HLCS: variants seen among roughly 807,000 people sequenced by gnomAD.
The protein encoded by HLCS is biotin--protein ligase.
Under a neutral mutation model 75.0 loss-of-function variants are expected in HLCS, and 53 were observed. The observed-to-expected ratio is 0.71, with a 90% CI of 0.57 to 0.89. The LOEUF (loss-of-function observed/expected upper bound fraction) is 0.89. Ranked by LOEUF, HLCS falls within the 40% of genes least tolerant of loss-of-function variation. The probability of loss-of-function intolerance (pLI) is 0.00; values close to 1 mark genes in which losing one functional copy is unlikely to be tolerated. For synonymous variants in HLCS, 431 were observed against 428.6 expected (o/e 1.01, Z -0.07); for missense variants, 966 against 1,074.0 (o/e 0.90, Z 1.41).
rs114410552 is a variant in HLCS at position 36,979,580 on chromosome 21, G to A, written c.-393+10578C>T. On this transcript the variant is annotated intron_variant, in intron 1 of 11. Coordinates refer to the HLCS transcript ENST00000336648. ...ATTTTTAAAATGGTTTTATGCAAAC[G>A]ACATGTTTAGCCCAAATGCACTGCA... Among the ~76,000 whole-genome samples, 863 of 152,198 alleles carry A rather than the reference G, an allele frequency of 5.7e-3. 5 individuals carry two copies. Among genetic ancestry groups the A allele is most frequent in the African/African-American group, 0.02 (828 of 41,510 alleles).
chr21:36,966,087 G>A (rs1046322481), intron 1 of HLCS, among the ~76,000 whole-genome samples: 1 of 152,200 alleles, frequency 6.6e-6, no homozygotes, highest in African/African-American at 2.4e-5. Context: ...CTGGTTCACG[G>A]TCACCCAAAC....
At chr21:36,946,155 C>G (rs1480940713) in intron 2 of HLCS, 1 of 973,548 alleles carries the variant, frequency 1.0e-6, no homozygotes, top group East Asian at 1.1e-4. Flanking sequence ...AAAACCGAAC[C>G]TGGCAGGGAA....
At chr21:36,956,738 A>G (rs929517858) in intron 2 of HLCS, among the ~76,000 whole-genome samples, 1 of 152,032 alleles carries the variant, frequency 6.6e-6, no homozygotes, top group African/African-American at 2.4e-5. Context: ...TCAAAAATAA[A>G]TAAATAAATA....
At position 36,938,932 on chromosome 21, in the gene HLCS, T is replaced by C; in HGVS notation, c.393A>G (p.Leu131=). 6.2e-7 allele frequency: 1 copy of C among 1,613,734 alleles called. No individual in the cohort carries two copies. Among genetic ancestry groups the C allele is most frequent in the Non-Finnish European group, 8.5e-7 (1 of 1,180,008 alleles). ...LACRPGDPYR[L]IAEASVDNFS... Reference sequence around the variant, plus strand: ...AGTTGTCCACACTTGCTTCAGCAATTAGCCGATAAGGATCCCCAGGTCTGC... The same window carrying C: ...AGTTGTCCACACTTGCTTCAGCAATCAGCCGATAAGGATCCCCAGGTCTGC... The change falls in exon 3 of 11, where the codon CTA becomes CTG. Residue 131 remains leucine, a synonymous_variant. Transcript: ENST00000674895.
At chr21:36,970,523 A>T (rs2068755090), upstream of HLCS, among the ~76,000 whole-genome samples, 1 of 151,848 alleles carries the variant, frequency 6.6e-6, no homozygotes, top group African/African-American at 2.4e-5. Flanking sequence ...ACATGCCACC[A>T]CACCTGGCTA....
At chr21:36,896,437 C>T (rs1029603574) in intron 6 of HLCS, 25 of 226,192 alleles carry the variant, frequency 1.1e-4, no homozygotes, top group Non-Finnish European at 2.0e-4. Flanking sequence ...TTTCAATTTA[C>T]ACAGCTTAGG....
intron 5 of HLCS, among the ~76,000 whole-genome samples, chr21:36,912,126 C>T (rs2065744873): frequency 6.6e-6 from 1 of 151,654 alleles, no homozygotes. Context: ...AGCAATTCCA[C>T]TCCCAGGTAT....
At chr21:36,954,450 T>TA (rs1408317301) in intron 2 of HLCS, among the ~76,000 whole-genome samples, 1 of 150,252 alleles carries the variant, frequency 6.7e-6, no homozygotes, top group Admixed American at 6.6e-5. Context: ...CTGTCTCTAC[T>TA]AAAAAAATAC....
At chr21:36,810,910 C>A (rs1386778670) in intron 6 of HLCS, among the ~76,000 whole-genome samples, 1 of 152,052 alleles carries the variant, frequency 6.6e-6, no homozygotes, top group Non-Finnish European at 1.5e-5. Flanking sequence ...ACTTTTCAAA[C>A]CAAATCTGGG....
chr21:36,959,236 A>G (rs1484076531), intron 2 of HLCS, among the ~76,000 whole-genome samples: 2 of 152,228 alleles, frequency 1.3e-5, no homozygotes, highest in African/African-American at 4.8e-5. Context: ...GCAAAATTGA[A>G]GCTGAGCCTG....
At chr21:36,802,337 C>T (rs959719111) in intron 6 of HLCS, among the ~76,000 whole-genome samples, 29 of 152,284 alleles carry the variant, frequency 1.9e-4, no homozygotes, top group African/African-American at 6.7e-4. Context: ...GTCCAGGCAA[C>T]GCCAGCCCAA....
At chr21:36,811,357 T>C (rs1226857682) in intron 6 of HLCS, among the ~76,000 whole-genome samples, 1 of 152,176 alleles carries the variant, frequency 6.6e-6, no homozygotes. Flanking sequence ...TCATGAACAA[T>C]ATATATCACT....
In HLCS at chr21:36,897,120, AT is replaced by A; in HGVS notation, c.1631del (p.Asp544ValfsTer17). On this transcript the variant is annotated frameshift_variant, in exon 6 of 11. Coordinates refer to ENST00000674895, the MANE Select transcript of HLCS (RefSeq NM_001352514.2). LOFTEE classifies it high-confidence loss of function. ...YLLSAAEEIR[D>X]PLMQWLGKHV... ...GTTTCCCAAGCCACTGCATAAGAGG[AT>A]CCCTGATTTCCTGTGTCATAAAGAA... The A allele has an allele frequency of 6.2e-7, 1 of 1,614,128 alleles. No homozygotes were observed. Among genetic ancestry groups the A allele is most frequent in the Non-Finnish European group, 8.5e-7 (1 of 1,180,012 alleles).
chr21:36,933,954 G>A (rs989808587), intron 4 of HLCS, among the ~76,000 whole-genome samples: 15 of 152,126 alleles, frequency 9.9e-5, no homozygotes, highest in East Asian at 7.7e-4. Flanking sequence ...GAAGATGGCC[G>A]CTGAAACCCC....
intron 6 of HLCS, among the ~76,000 whole-genome samples, chr21:36,873,947 G>A (rs1190456187): frequency 6.6e-6 from 1 of 152,096 alleles, no homozygotes; most frequent in African/African-American, 2.4e-5. Context: ...TATAGTTATT[G>A]CTTTCTGTCA....
At chr21:36,880,348 G>A (rs182805317) in intron 6 of HLCS, among the ~76,000 whole-genome samples, 202 of 152,282 alleles carry the variant, frequency 1.3e-3, no homozygotes, top group Non-Finnish European at 2.6e-3. Context: ...GATCTGAAAC[G>A]AAGCTAGAGA....
intron 6 of HLCS, among the ~76,000 whole-genome samples, chr21:36,850,010 C>A (rs1442735652): frequency 6.6e-6 from 1 of 152,152 alleles, no homozygotes; most frequent in African/African-American, 2.4e-5. Flanking sequence ...TTTCAACTTT[C>A]TTCTTTTCAT....
intron 6 of HLCS, among the ~76,000 whole-genome samples, chr21:36,824,644 A>T (rs1423733855): frequency 6.6e-6 from 1 of 152,182 alleles, no homozygotes; most frequent in Non-Finnish European, 1.5e-5. Flanking sequence ...ATCTCAGGCA[A>T]TTTCTGCTTT....
At position 36,930,263 on chromosome 21, in the gene HLCS, C is replaced by A. The variant is rs1418146881; in HGVS notation, c.1608G>T (p.Leu536=). ...QVPALTPLYL[L]SAAEEIRDPL... ...GCCCACAACTCACCTCCGCAGCTGACAGCAAGTAAAGAGGAGTTAAGGCAG... is the reference window on the plus strand; with the variant it reads ...GCCCACAACTCACCTCCGCAGCTGAAAGCAAGTAAAGAGGAGTTAAGGCAG... Residue 536 remains leucine, a synonymous_variant, in exon 5 of 11, where the codon CTG becomes CTT. Coordinates refer to ENST00000674895, the MANE Select transcript of HLCS (RefSeq NM_001352514.2). 15 of 1,614,174 alleles carry A rather than the reference C, an allele frequency of 9.3e-6. No homozygotes were observed. Among genetic ancestry groups the A allele is most frequent in the African/African-American group, 1.3e-5 (1 of 75,046 alleles).
Sources: allele counts gnomAD v4.1 joint callset (sites outside exome capture counted in the v4.1 genomes callset), GRCh38; gene constraint gnomAD v4.1.1; transcripts MANE v1.5; gene names NCBI Gene and HGNC (gene_info 2026-07-23, HGNC 2026-07-21).